RYK: variants seen among roughly 807,000 people sequenced by gnomAD.
The protein encoded by RYK is receptor like tyrosine kinase.
A neutral mutation model predicts 70.2 loss-of-function variants in RYK; 21 were observed. That is an observed-to-expected ratio of 0.30 (90% CI 0.21 to 0.43). The LOEUF is 0.43. RYK is among the 20% of genes least tolerant of loss of function. The pLI is 1.00. For missense variants in RYK, 604 were observed against 753.3 expected (o/e 0.80, Z 2.32); for synonymous variants, 267 against 278.0 (o/e 0.96, Z 0.39).
At chr3:134,190,166 T>G (rs1418787894) in intron 8 of RYK, among the ~76,000 whole-genome samples, 18 of 152,224 alleles carry the variant, frequency 1.2e-4, no homozygotes, top group Admixed American at 1.2e-3. Context: ...ACATTTTGCT[T>G]GAAGCTGAGT....
chr3:134,170,988 C>T (rs1044398115), intron 13 of RYK: 1 of 153,236 alleles, frequency 6.5e-6, no homozygotes, highest in Non-Finnish European at 1.5e-5. Context: ...AAAGGAAAAT[C>T]TGATGGCGCA....
chr3:134,239,717 A>C (rs1268019859), intron 1 of RYK, among the ~76,000 whole-genome samples: 1 of 152,206 alleles, frequency 6.6e-6, no homozygotes, highest in Admixed American at 6.5e-5. Context: ...TTAGGTGCTA[A>C]AAATAGAAAG....
intron 10 of RYK, chr3:134,180,050 T>C (rs1215094553): frequency 1.3e-5 from 2 of 152,048 alleles, no homozygotes; most frequent in African/African-American, 2.4e-5. Flanking sequence ...GGAGATGCTA[T>C]AGTGAAGAAA....
intron 6 of RYK, among the ~76,000 whole-genome samples, chr3:134,200,291 C>T (rs1342528530): frequency 5.9e-5 from 9 of 152,104 alleles, no homozygotes; most frequent in Non-Finnish European, 1.0e-4. Context: ...AGTGAGACCA[C>T]GAACCCACCA....
Position 134,209,835 on chromosome 3 carries a change from T to TA in RYK, c.455-7dup. 6.8e-7 allele frequency: 1 copy of TA among 1,460,688 alleles called. No individual in the cohort carries two copies. The highest frequency in any genetic ancestry group is 9.0e-7 in the Non-Finnish European group (1 of 1,109,844). The allele number at this position is 1,460,688 out of a possible 1,614,324, so 90.5% of individuals were successfully genotyped here. On this transcript the variant is annotated splice_region_variant and splice_polypyrimidine_tract_variant and intron_variant, in intron 3 of 14. Coordinates refer to ENST00000623711, the MANE Select transcript of RYK (RefSeq NM_002958.4). ...GGAAAGCTCTACCCGAAACACTGTT[T>TA]AAAAAAGATAAGAAAAATATTTTAC...
At chr3:134,223,129 T>C (rs998749787) in intron 1 of RYK, among the ~76,000 whole-genome samples, 2 of 152,336 alleles carry the variant, frequency 1.3e-5, no homozygotes, top group Non-Finnish European at 2.9e-5. Flanking sequence ...AAGAACACTA[T>C]GTTTTTCATG....
chr3:134,250,763 A>C lies in RYK; in HGVS notation c.-109T>G. 2.5e-6 allele frequency: 1 copy of C among 403,340 alleles called. No homozygotes were observed. The highest frequency in any genetic ancestry group is 3.3e-6 in the Non-Finnish European group (1 of 299,114). 25.0% of individuals were successfully genotyped at this position (403,340 alleles called of 1,614,324 possible). On this transcript the variant is annotated 5_prime_UTR_variant, in exon 1 of 15. The change abolishes an upstream ATG in the 5' untranslated region. Coordinates refer to ENST00000623711, the MANE Select transcript of RYK (RefSeq NM_002958.4). The stretch of plus-strand genomic sequence containing the variant: ...CGAGCCGGGGGCGGCTGCCCAGCTC[A>C]TCGCACCGCCGGCCCGTGGCAGCCA...
At chr3:134,245,151 C>A (rs1245458894) in intron 1 of RYK, among the ~76,000 whole-genome samples, 1 of 152,206 alleles carries the variant, frequency 6.6e-6, no homozygotes, top group African/African-American at 2.4e-5. Context: ...GTACATAACA[C>A]AGGGATGACC....
chr3:134,183,262 A>G (rs1045151830), intron 9 of RYK, 191 bp from the exon 10 acceptor site: 1 of 367,024 alleles, frequency 2.7e-6, no homozygotes, highest in African/African-American at 2.1e-5. Flanking sequence ...TTTTCCCAGA[A>G]ATTTTTATAT....
At chr3:134,159,440 G>C (rs2012375058) in intron 13 of RYK, 67 bp from the exon 14 acceptor site, 2 of 1,446,258 alleles carry the variant, frequency 1.4e-6, no homozygotes, top group Non-Finnish European at 1.8e-6. Flanking sequence ...AGCGCCCACA[G>C]CCAGCTACAG....
At chr3:134,199,760 C>A (rs1026366205) in intron 6 of RYK, among the ~76,000 whole-genome samples, 1 of 152,058 alleles carries the variant, frequency 6.6e-6, no homozygotes, top group African/African-American at 2.4e-5. Context: ...AGAACTTTGT[C>A]CATCACTACT....
chr3:134,175,520 T>C, intron 13 of RYK, 89 bp downstream of exon 13: 1 of 1,489,004 alleles, frequency 6.7e-7, no homozygotes, highest in Non-Finnish European at 9.1e-7. Context: ...GCAGATTTTT[T>C]AAAAACCCAA....
At chr3:134,182,797 T>C (rs890224686) in intron 10 of RYK, among the ~76,000 whole-genome samples, 2 of 152,230 alleles carry the variant, frequency 1.3e-5, no homozygotes, top group South Asian at 4.1e-4. Context: ...TGGGCTTACA[T>C]ACTATTCTTT....
rs184437858 is a variant in RYK, at chr3:134,187,709, C to T, written c.1102+1128G>A. Reference sequence around the variant, plus strand: ...AGCTGGGACTACAGGTATATGCTACCACACCCAGCTACTTTTTTTTTTTTT... The same window carrying T: ...AGCTGGGACTACAGGTATATGCTACTACACCCAGCTACTTTTTTTTTTTTT... On this transcript the variant is annotated intron_variant, in intron 9 of 14. Transcript: ENST00000623711. Among the ~76,000 whole-genome samples, 14 of 151,488 alleles carry T rather than the reference C, an allele frequency of 9.2e-5. No individual in the cohort carries two copies. In the East Asian group the frequency reaches 2.7e-3, roughly 29 times the overall value.
At chr3:134,192,220 C>T (rs528410512) in intron 7 of RYK, among the ~76,000 whole-genome samples, 154 of 152,206 alleles carry the variant, frequency 1.0e-3, no homozygotes, top group African/African-American at 3.6e-3. Context: ...ACAAGAAATC[C>T]TAAAAATAGT....
intron 13 of RYK, among the ~76,000 whole-genome samples, chr3:134,172,763 T>G (rs1431899662): frequency 6.6e-6 from 1 of 152,114 alleles, no homozygotes; most frequent in East Asian, 1.9e-4. Context: ...TAGAGAGAGA[T>G]TTTTTCTTTA....
chr3:134,175,785 T>C lies in RYK; in HGVS notation c.1416-17A>G, dbSNP rs1326665619. 1.9e-6 allele frequency: 3 copies of C among 1,613,016 alleles called. No individual in the cohort carries two copies. Among genetic ancestry groups the C allele is most frequent in the Non-Finnish European group, 2.5e-6 (3 of 1,179,190 alleles). The stretch of plus-strand genomic sequence containing the variant: ...TCATCAATGCTGAAAAGTAAAGATA[T>C]GAACATCAAATGCAATCAGAGTATT... On this transcript the variant is annotated splice_polypyrimidine_tract_variant and intron_variant, in intron 12 of 14. Transcript: ENST00000623711.
intron 1 of RYK, among the ~76,000 whole-genome samples, chr3:134,232,406 C>T (rs2015089284): frequency 6.6e-6 from 1 of 152,116 alleles, no homozygotes. Flanking sequence ...TAAGCCATTG[C>T]CACAAATGAC....
intron 6 of RYK, among the ~76,000 whole-genome samples, chr3:134,200,861 T>G (rs1349354801): frequency 6.6e-6 from 1 of 152,230 alleles, no homozygotes; most frequent in African/African-American, 2.4e-5. Context: ...TTTACTCAGG[T>G]AATGTCTGGA....
Sources: allele counts gnomAD v4.1 joint callset (sites outside exome capture counted in the v4.1 genomes callset), GRCh38; gene constraint gnomAD v4.1.1; transcripts MANE v1.5; gene names NCBI Gene and HGNC (gene_info 2026-07-23, HGNC 2026-07-21).